The following KALRN variants were observed in gnomAD, a reference collection of about 807,000 sequenced individuals.
KALRN encodes the protein kalirin RhoGEF kinase, also known as kalirin.
KALRN carries 70 observed loss-of-function variants against 353.7 expected under a neutral mutation model. The ratio of observed to expected loss-of-function variants is 0.20; its 90% CI spans 0.16 to 0.24. The LOEUF (loss-of-function observed/expected upper bound fraction) is 0.24. Among genes scored for constraint, KALRN ranks in the 10% least tolerant of loss-of-function variants. The pLI is 1.00. For synonymous variants in KALRN, 1,391 were observed against 1,434.8 expected, an observed-to-expected ratio of 0.97 and a Z score of 0.69; for missense variants, 2,791 against 3,756.7, an observed-to-expected ratio of 0.74 and a Z score of 6.72.
chr3:124,647,534 T>C (rs1225152710), intron 37 of KALRN, among the ~76,000 whole-genome samples: 1 of 152,210 alleles, frequency 6.6e-6, no homozygotes, highest in Admixed American at 6.5e-5. Flanking sequence ...CATTGCCTCT[T>C]CCATTAAGTC....
At chr3:124,564,203 T>C (rs1578012044) in intron 34 of KALRN, among the ~76,000 whole-genome samples, 1 of 30,870 alleles carries the variant, frequency 3.2e-5, no homozygotes, top group African/African-American at 2.0e-4. Flanking sequence ...AAACTCCGTC[T>C]CAAAAAAAAA....
chr3:124,655,885 A>G (rs897060257), intron 39 of KALRN, among the ~76,000 whole-genome samples: 3 of 152,344 alleles, frequency 2.0e-5, no homozygotes, highest in East Asian at 3.9e-4. Context: ...CCTGAATGTT[A>G]TAGCATTTGG....
intron 1 of KALRN, among the ~76,000 whole-genome samples, chr3:124,137,637 C>T (rs1290383995): frequency 6.6e-6 from 1 of 152,156 alleles, no homozygotes. Flanking sequence ...GAACTGACTA[C>T]TTCTTAAAAG....
chr3:124,453,694 C>T (rs767331018), intron 21 of KALRN, among the ~76,000 whole-genome samples: 2 of 152,088 alleles, frequency 1.3e-5, no homozygotes, highest in Non-Finnish European at 2.9e-5. Context: ...ATGTTCTTTC[C>T]TTTCCCTGAG....
At chr3:124,302,333 A>T (rs554428981) in intron 6 of KALRN, among the ~76,000 whole-genome samples, 237 of 152,328 alleles carry the variant, frequency 1.6e-3, no homozygotes, top group Non-Finnish European at 2.7e-3. Context: ...AAGGGATGTT[A>T]GGACAGAGTT....
chr3:124,455,366 A>C lies in KALRN; in HGVS notation c.3735+7A>C, dbSNP rs754526121. The C allele has an allele frequency of 6.2e-7, 1 of 1,613,398 alleles. No homozygotes were observed. The highest frequency in any genetic ancestry group is 8.5e-7 in the Non-Finnish European group (1 of 1,179,528). ...CCTAGGAGTCAACACAGAGGTAGGC[A>C]GGGGTATTGTCCTCTGGGACATCCT... On this transcript the variant is annotated splice_region_variant and intron_variant, in intron 22 of 59. Transcript: ENST00000682506.
At chr3:124,680,652 C>T (rs1437452932) in intron 51 of KALRN, among the ~76,000 whole-genome samples, 2 of 152,164 alleles carry the variant, frequency 1.3e-5, no homozygotes, top group Admixed American at 1.3e-4. Context: ...CCACAAAACC[C>T]AAGAGAGATC....
intron 1 of KALRN, among the ~76,000 whole-genome samples, chr3:124,048,986 GT>G (rs2040782416): frequency 6.6e-6 from 1 of 152,170 alleles, no homozygotes; most frequent in Non-Finnish European, 1.5e-5. Context: ...ACAACTGTAG[GT>G]TTGGGCTGTT....
Position 124,438,969 on chromosome 3 carries a change from G to A in KALRN, c.3130G>A (p.Ala1044Thr). ...WCGGRDKLGP[A>T]AEIDHVIPLI... ...TGGTGGACGAGATAAGCTGGGGCCAGCAGCAGAGATCGACCATGTCATTCC... is the reference window on the plus strand; with the variant it reads ...TGGTGGACGAGATAAGCTGGGGCCAACAGCAGAGATCGACCATGTCATTCC... The change falls in exon 18 of 60, where the codon GCA becomes ACA. Residue 1044 changes from alanine to threonine, a missense_variant. Ala to Thr is a moderately conservative substitution (Grantham distance 58, BLOSUM62 0). Transcript: ENST00000682506. 2 of 1,614,140 alleles carry A rather than the reference G, an allele frequency of 1.2e-6. No individual in the cohort carries two copies. Among genetic ancestry groups the A allele is most frequent in the Non-Finnish European group, 1.7e-6 (2 of 1,180,014 alleles).
At chr3:124,594,036 A>G (rs1219197828) in intron 34 of KALRN, among the ~76,000 whole-genome samples, 1 of 152,130 alleles carries the variant, frequency 6.6e-6, no homozygotes, top group Non-Finnish European at 1.5e-5. Context: ...ACAGAAAAAA[A>G]TCAAAACTTA....
intron 1 of KALRN, among the ~76,000 whole-genome samples, chr3:124,076,218 T>C (rs1033967240): frequency 2.6e-5 from 4 of 152,184 alleles, no homozygotes; most frequent in Non-Finnish European, 5.9e-5. Flanking sequence ...GAGCAGGAGA[T>C]GCAGACCCAA....
At chr3:124,081,638 G>T (rs565894487) in intron 1 of KALRN, among the ~76,000 whole-genome samples, 1 of 152,232 alleles carries the variant, frequency 6.6e-6, no homozygotes, top group East Asian at 1.9e-4. Flanking sequence ...GGATGTGGTG[G>T]CACACACCTG....
intron 34 of KALRN, among the ~76,000 whole-genome samples, chr3:124,580,399 G>A (rs1326338899): frequency 1.3e-5 from 2 of 152,102 alleles, no homozygotes; most frequent in African/African-American, 4.8e-5. Context: ...AGGCAGCAAT[G>A]GCCTCAGACT....
chr3:124,426,001 C>T (rs552160122), intron 15 of KALRN, among the ~76,000 whole-genome samples: 33 of 152,296 alleles, frequency 2.2e-4, no homozygotes, highest in South Asian at 6.2e-4. Flanking sequence ...GTGGGACTGT[C>T]GTTCAAGACT....
At chr3:124,125,069 A>G (rs1178190855) in intron 1 of KALRN, among the ~76,000 whole-genome samples, 1 of 152,224 alleles carries the variant, frequency 6.6e-6, no homozygotes, top group Non-Finnish European at 1.5e-5. Context: ...AGTGGGGTAC[A>G]ACCCTAGTTC....
intron 6 of KALRN, among the ~76,000 whole-genome samples, chr3:124,320,160 C>T (rs966120738): frequency 2.6e-5 from 4 of 152,186 alleles, no homozygotes; most frequent in Middle Eastern, 6.8e-3. Context: ...TGCTGAGTAC[C>T]GTGGCTCTCA....
chr3:124,201,179 T>C (rs71332727), intron 1 of KALRN, among the ~76,000 whole-genome samples: 3,747 of 152,372 alleles, frequency 0.025, 141 homozygotes, highest in African/African-American at 0.085. Flanking sequence ...ACAGCCACCA[T>C]TGAGGCAGCT....
chr3:124,540,160 T>A (rs550395230), intron 33 of KALRN, among the ~76,000 whole-genome samples: 140 of 152,218 alleles, frequency 9.2e-4, no homozygotes, highest in Non-Finnish European at 1.6e-3. Flanking sequence ...TGCTCAAGCA[T>A]TCCGCCCACC....
chr3:124,532,951 A>C (rs928575815), intron 33 of KALRN, among the ~76,000 whole-genome samples: 7 of 149,628 alleles, frequency 4.7e-5, no homozygotes, highest in African/African-American at 1.7e-4. Context: ...AAAAAAAAAA[A>C]CAAATACACA....
Sources: allele counts gnomAD v4.1 joint callset (sites outside exome capture counted in the v4.1 genomes callset), GRCh38; gene constraint gnomAD v4.1.1; transcripts MANE v1.5; gene names NCBI Gene and HGNC (gene_info 2026-07-23, HGNC 2026-07-21).